Variants in RAPH1 observed in about 807,000 individuals in gnomAD.
RAPH1 encodes ras-associated and pleckstrin homology domains-containing protein 1.
RAPH1 carries 18 observed loss-of-function variants against 88.1 expected under a neutral mutation model. The ratio of observed to expected loss-of-function variants is 0.20; its 90% confidence interval spans 0.14 to 0.30. RAPH1 has a LOEUF of 0.30. Ranked by LOEUF, RAPH1 falls within the 10% of genes least tolerant of loss-of-function variation. The pLI is 1.00. For missense variants in RAPH1, 1,448 were observed against 1,543.2 expected (o/e 0.94, Z 1.03); for synonymous variants, 587 against 559.0 (o/e 1.05, Z -0.71).
At position 203,535,256 on chromosome 2, in the gene RAPH1, C is replaced by CAGTGACTG. The variant is rs1397066228; in HGVS notation, c.-154_-147dup. ...GCCAGCAGCTCCCGCGCCGCGCGCT[C>CAGTGACTG]AGTGACTGACTGACTGACTGACTGA... On this transcript the variant is annotated 5_prime_UTR_variant, in exon 1 of 14. Transcript: ENST00000319170. 3.0e-5 allele frequency: 4 copies of CAGTGACTG among 135,288 alleles called. No homozygotes were observed. Among genetic ancestry groups the CAGTGACTG allele is most frequent in the South Asian group, 2.3e-4 (1 of 4,272 alleles). 8.4% of individuals were successfully genotyped at this position (135,288 alleles called of 1,614,324 possible).
chr2:203,469,081 T>C (rs2098530975), intron 4 of RAPH1, among the ~76,000 whole-genome samples: 1 of 152,202 alleles, frequency 6.6e-6, no homozygotes, highest in Admixed American at 6.5e-5. Flanking sequence ...GCTTGTAAGA[T>C]GTTGGTGATC....
In RAPH1 at chr2:203,435,216, G is replaced by A. The variant is rs2098497470; in HGVS notation, c.*4221C>T. ...CTTGTTTTATTTGAGGGATAAAGGT[G>A]TAGAAATTTTCTCTTTGAATTTTAT... On this transcript the variant is annotated 3_prime_UTR_variant, in exon 14 of 14. Transcript: ENST00000319170. The A allele has an allele frequency of 1.3e-5, 2 of 152,034 alleles. No homozygotes were observed. The highest frequency in any genetic ancestry group is 2.9e-5 in the Non-Finnish European group (2 of 68,006). 9.4% of individuals were successfully genotyped at this position (152,034 alleles called of 1,614,324 possible).
intron 1 of RAPH1, among the ~76,000 whole-genome samples, chr2:203,517,990 CAGA>C (rs1378974277): frequency 2.0e-5 from 3 of 151,864 alleles, no homozygotes; most frequent in Non-Finnish European, 4.4e-5. Context: ...CCTAAATAAA[CAGA>C]AGAAATAATA....
intron 13 of RAPH1, 194 bp from the exon 14 acceptor site, chr2:203,441,607 G>C: frequency 2.2e-6 from 3 of 1,341,716 alleles, no homozygotes; most frequent in Non-Finnish European, 2.8e-6. Context: ...GGGCAAGAAG[G>C]AAACAGAAAA....
At chr2:203,450,264 ATTC>A (rs978098291) in intron 10 of RAPH1, among the ~76,000 whole-genome samples, 5 of 152,322 alleles carry the variant, frequency 3.3e-5, no homozygotes, top group African/African-American at 1.2e-4. Flanking sequence ...CATTAATTCT[ATTC>A]TTTGCTTTTC....
At chr2:203,487,947 G>T (rs1688050716) in intron 4 of RAPH1, among the ~76,000 whole-genome samples, 1 of 152,070 alleles carries the variant, frequency 6.6e-6, no homozygotes, top group Non-Finnish European at 1.5e-5. Context: ...AAAAATCAAT[G>T]ATGTCAAGTA....
chr2:203,514,316 T>C (rs533644659), intron 1 of RAPH1, among the ~76,000 whole-genome samples: 7 of 152,380 alleles, frequency 4.6e-5, no homozygotes, highest in Non-Finnish European at 8.8e-5. Context: ...TTAGAAATTG[T>C]CTGAGGTGCT....
At chr2:203,492,908 T>C (rs1158794858) in intron 2 of RAPH1, among the ~76,000 whole-genome samples, 1 of 152,136 alleles carries the variant, frequency 6.6e-6, no homozygotes, top group Non-Finnish European at 1.5e-5. Context: ...ATAAAAAACT[T>C]TACAAACTAT....
chr2:203,532,118 C>A (rs1485983108), intron 1 of RAPH1, among the ~76,000 whole-genome samples: 2 of 152,138 alleles, frequency 1.3e-5, no homozygotes, highest in East Asian at 3.8e-4. Flanking sequence ...AAGCCAGACA[C>A]AAGAATCAAT....
At chr2:203,489,563 G>T in intron 4 of RAPH1, 21 bp downstream of exon 4, 1 of 1,430,326 alleles carries the variant, frequency 7.0e-7, no homozygotes, top group Non-Finnish European at 9.2e-7. Context: ...AAATACCAGG[G>T]AAAAAGTTCC....
intron 8 of RAPH1, 82 bp from the exon 9 acceptor site, chr2:203,455,662 G>GGT: frequency 1.5e-6 from 2 of 1,333,674 alleles, no homozygotes; most frequent in Non-Finnish European, 2.1e-6. Flanking sequence ...TGAAATGCAT[G>GGT]ACAGTTATTA....
At chr2:203,498,646 A>G (rs1380237584) in intron 1 of RAPH1, among the ~76,000 whole-genome samples, 1 of 152,154 alleles carries the variant, frequency 6.6e-6, no homozygotes, top group Non-Finnish European at 1.5e-5. Context: ...CAAGAGTTCA[A>G]ATTTTTAAAA....
intron 1 of RAPH1, among the ~76,000 whole-genome samples, chr2:203,499,463 T>C (rs1393764784): frequency 6.6e-6 from 1 of 151,480 alleles, no homozygotes; most frequent in Non-Finnish European, 1.5e-5. Context: ...GGCTCACACC[T>C]GTAATCCCAG....
chr2:203,487,505 C>T (rs1383680610), intron 4 of RAPH1, among the ~76,000 whole-genome samples: 5 of 152,074 alleles, frequency 3.3e-5, no homozygotes, highest in East Asian at 1.9e-4. Flanking sequence ...CTCACCCTCC[C>T]GAGCAGCTGG....
intron 2 of RAPH1, among the ~76,000 whole-genome samples, chr2:203,494,678 G>A (rs1465424210): frequency 5.9e-5 from 9 of 151,654 alleles, no homozygotes; most frequent in East Asian, 1.9e-4. Flanking sequence ...GCGTGGTGGC[G>A]GGCGCCTGTA....
chr2:203,526,774 A>G (rs1690139514), intron 1 of RAPH1, among the ~76,000 whole-genome samples: 4 of 149,956 alleles, frequency 2.7e-5, no homozygotes, highest in Non-Finnish European at 4.4e-5. Flanking sequence ...GCTCATTATT[A>G]ACAATTTTTC....
chr2:203,499,630 TG>T (rs956603828), intron 1 of RAPH1, among the ~76,000 whole-genome samples: 4 of 151,966 alleles, frequency 2.6e-5, no homozygotes, highest in African/African-American at 9.7e-5. Context: ...GGAGAATCGC[TG>T]GAACCCAGGA....
chr2:203,516,049 T>C (rs1006131342), intron 1 of RAPH1, among the ~76,000 whole-genome samples: 8 of 152,212 alleles, frequency 5.3e-5, no homozygotes, highest in African/African-American at 1.9e-4. Flanking sequence ...TAAGCTTATG[T>C]ATAGATAATA....
intron 1 of RAPH1, among the ~76,000 whole-genome samples, chr2:203,517,555 G>GA (rs1359610777): frequency 6.6e-6 from 1 of 151,964 alleles, no homozygotes; most frequent in African/African-American, 2.4e-5. Context: ...TCCAAGAACA[G>GA]AATACATATT....
Sources: gnomAD v4.1 joint callset for allele counts (sites outside exome capture counted in the v4.1 genomes callset) on GRCh38, gnomAD v4.1.1 for gene constraint, MANE v1.5 for transcripts, NCBI Gene and HGNC (gene_info 2026-07-23, HGNC 2026-07-21) for gene names.